The following LPP variants were observed in gnomAD, a reference collection of about 807,000 sequenced individuals.
LPP encodes lipoma-preferred partner.
In LPP, 38 loss-of-function variants were observed where a neutral mutation model predicts 60.4. The ratio of observed to expected loss-of-function variants is 0.63; its 90% CI spans 0.49 to 0.83. The LOEUF (loss-of-function observed/expected upper bound fraction) is 0.83. LPP is among the 40% of genes least tolerant of loss of function. The probability of loss-of-function intolerance (pLI) is 0.00; values close to 1 mark genes in which losing one functional copy is unlikely to be tolerated. For synonymous variants in LPP, 328 were observed against 290.8 expected (o/e 1.13, Z -1.30); for missense variants, 902 against 783.6 (o/e 1.15, Z -1.80).
rs376509709 is a variant in LPP, at chr3:188,878,439, G to GCAAT, written c.*3961_*3962insAATC. 226 of 215,000 alleles carry GCAAT rather than the reference G, an allele frequency of 1.1e-3. 4 individuals are homozygous for GCAAT. Among genetic ancestry groups the GCAAT allele is most frequent in the African/African-American group, 4.8e-3 (213 of 44,410 alleles). 13.3% of individuals were successfully genotyped at this position (215,000 alleles called of 1,614,324 possible). Reference sequence around the variant, plus strand: ...TATTTCACATTTGTAGTTCAAACAAGCGATTGTCCATCTGTTGCCTAGAGC... The same window carrying GCAAT: ...TATTTCACATTTGTAGTTCAAACAAGCAATCGATTGTCCATCTGTTGCCTAGAGC... On this transcript the variant is annotated 3_prime_UTR_variant, in exon 12 of 12. Transcript: ENST00000617246.
intron 2 of LPP, among the ~76,000 whole-genome samples, chr3:188,240,658 A>C (rs1724159259): frequency 1.3e-5 from 2 of 152,066 alleles, no homozygotes; most frequent in African/African-American, 2.4e-5. Flanking sequence ...AATCATAACT[A>C]TCCAATCATG....
chr3:188,254,238 T>C (rs546676275), intron 2 of LPP, among the ~76,000 whole-genome samples: 5 of 152,318 alleles, frequency 3.3e-5, no homozygotes, highest in African/African-American at 1.2e-4. Context: ...GCTGTCCTTA[T>C]ATGGGCAGGA....
At chr3:188,191,468 T>C (rs1728164407) in intron 1 of LPP, among the ~76,000 whole-genome samples, 1 of 152,170 alleles carries the variant, frequency 6.6e-6, no homozygotes, top group African/African-American at 2.4e-5. Context: ...ATTAAAGGTG[T>C]GGAGCCAAGA....
chr3:188,219,414 A>G (rs1163282633), intron 1 of LPP, among the ~76,000 whole-genome samples: 2 of 152,166 alleles, frequency 1.3e-5, no homozygotes, highest in Non-Finnish European at 2.9e-5. Flanking sequence ...GATGATGGTC[A>G]GGCTCTATGA....
chr3:188,525,298 G>C (rs1208245504), intron 6 of LPP, among the ~76,000 whole-genome samples: 1 of 152,130 alleles, frequency 6.6e-6, no homozygotes, highest in African/African-American at 2.4e-5. Context: ...TAGAGTCAAT[G>C]ATTTAAGTTG....
chr3:188,272,938 G>C (rs1296158814), intron 2 of LPP, among the ~76,000 whole-genome samples: 2 of 152,272 alleles, frequency 1.3e-5, no homozygotes, highest in Non-Finnish European at 2.9e-5. Flanking sequence ...ATGGGTCCAC[G>C]AGGGTGGCAG....
intron 7 of LPP, among the ~76,000 whole-genome samples, chr3:188,634,798 G>C (rs1234186884): frequency 6.6e-6 from 1 of 152,170 alleles, no homozygotes; most frequent in East Asian, 1.9e-4. Context: ...ATGGTGAGTT[G>C]TATAATTACT....
chr3:188,528,688 C>A (rs559152209), intron 6 of LPP, among the ~76,000 whole-genome samples: 1 of 152,154 alleles, frequency 6.6e-6, no homozygotes, highest in Non-Finnish European at 1.5e-5. Context: ...GATGATGAAA[C>A]TAAGACTCAC....
At chr3:188,656,115 C>G (rs1284646748) in intron 7 of LPP, among the ~76,000 whole-genome samples, 1 of 151,206 alleles carries the variant, frequency 6.6e-6, no homozygotes, top group Non-Finnish European at 1.5e-5. Flanking sequence ...TTGCTTGAAC[C>G]CAGGAGGTGG....
intron 8 of LPP, among the ~76,000 whole-genome samples, chr3:188,749,818 T>C (rs1267428720): frequency 1.3e-5 from 2 of 152,256 alleles, no homozygotes; most frequent in Admixed American, 6.5e-5. Context: ...TAATTTAGGC[T>C]AATTATAATT....
intron 9 of LPP, among the ~76,000 whole-genome samples, chr3:188,784,153 A>G (rs924247810): frequency 4.0e-5 from 6 of 151,652 alleles, no homozygotes; most frequent in Admixed American, 2.0e-4. Context: ...TAGCTCCCAC[A>G]TATCAGTGAG....
intron 9 of LPP, among the ~76,000 whole-genome samples, chr3:188,865,223 G>A (rs537160771): frequency 2.6e-5 from 4 of 152,192 alleles, no homozygotes; most frequent in East Asian, 3.8e-4. Flanking sequence ...GTTAACAGCC[G>A]ATCTTTCTGA....
chr3:188,835,615 T>C (rs1758267531), intron 9 of LPP, among the ~76,000 whole-genome samples: 1 of 151,520 alleles, frequency 6.6e-6, no homozygotes. Flanking sequence ...TGAGGCTCCA[T>C]CTCCAAAAAA....
intron 5 of LPP, among the ~76,000 whole-genome samples, chr3:188,491,111 G>A (rs1437462412): frequency 6.6e-6 from 1 of 152,104 alleles, no homozygotes; most frequent in Non-Finnish European, 1.5e-5. Context: ...ATGGTCTCAG[G>A]TACAGAACAA....
At position 188,609,645 on chromosome 3, in the gene LPP, C is replaced by T. The variant is rs138776485; in HGVS notation, c.914C>T (p.Pro305Leu). The change falls in exon 7 of 12, where the codon CCA (proline) becomes CTA (leucine). Residue 305 changes from proline (P) to leucine (L), a missense_variant. Pro to Leu is a moderately conservative substitution (Grantham distance 98). Coordinates refer to ENST00000617246, the MANE Select transcript of LPP (RefSeq NM_001375462.1). This position sits in a 1 kb window ranked among gnomAD's most constrained non-coding sequence, Gnocchi z 6.9. ...TATGAAGGCTACTATGCAGCAGGGC[C>T]AGGCTATGGGGGCAGAAATGACTCT... Reference protein sequence around the residue: ...RYYEGYYAAGPGYGGRNDSDP... With the variant: ...RYYEGYYAAGLGYGGRNDSDP... 3 of 1,614,012 alleles carry T rather than the reference C, an allele frequency of 1.9e-6. No individual in the cohort carries two copies. The highest frequency in any genetic ancestry group is 2.5e-6 in the Non-Finnish European group (3 of 1,180,008).
At chr3:188,739,293 A>T (rs1362908620) in intron 8 of LPP, among the ~76,000 whole-genome samples, 1 of 152,116 alleles carries the variant, frequency 6.6e-6, no homozygotes, top group African/African-American at 2.4e-5. Context: ...GGAGTGACCA[A>T]GAGAAGAAAC....
intron 2 of LPP, among the ~76,000 whole-genome samples, chr3:188,322,403 A>T (rs1409035248): frequency 6.6e-6 from 1 of 152,140 alleles, no homozygotes; most frequent in Non-Finnish European, 1.5e-5. Flanking sequence ...TCATTTTCTC[A>T]GAGCCCTGAG....
At chr3:188,420,886 A>G (rs893457002) in intron 4 of LPP, among the ~76,000 whole-genome samples, 1 of 152,190 alleles carries the variant, frequency 6.6e-6, no homozygotes, top group Non-Finnish European at 1.5e-5. Context: ...TGGTTTTTAA[A>G]CACATTTTAT....
chr3:188,862,769 AAGAGAG>A lies in LPP; in HGVS notation c.1411-3421_1411-3416del, dbSNP rs140796448. ...AAAAGAAAAGAAAGAAAGAAAAAGA[AAGAGAG>A]AGAGAGAGAAAGAAAGAAAGAAAAA... On this transcript the variant is annotated intron_variant, in intron 9 of 11. Coordinates refer to ENST00000617246, the MANE Select transcript of LPP (RefSeq NM_001375462.1). Among the ~76,000 whole-genome samples, 29 of 147,062 alleles carry A rather than the reference AAGAGAG, an allele frequency of 2.0e-4. 1 individual carries two copies. Among genetic ancestry groups the A allele is most frequent in the African/African-American group, 6.4e-4 (25 of 39,270 alleles).
Sources: allele counts gnomAD v4.1 joint callset (sites outside exome capture counted in the v4.1 genomes callset), GRCh38; gene constraint gnomAD v4.1.1; non-coding constraint Gnocchi (gnomAD v3.1); transcripts MANE v1.5; gene names NCBI Gene and HGNC (gene_info 2026-07-23, HGNC 2026-07-21).